The following FOCAD variants were observed in gnomAD, a reference collection of about 807,000 sequenced individuals.
FOCAD encodes focadhesin.
A neutral mutation model predicts 225.6 loss-of-function variants in FOCAD; 198 were observed. That is an observed-to-expected ratio of 0.88 (90% confidence interval 0.78 to 0.99). FOCAD has a LOEUF of 0.99. FOCAD is among the 50% of genes least tolerant of loss of function. The pLI is 0.00. For missense variants in FOCAD, 2,713 were observed against 2,123.6 expected, an observed-to-expected ratio of 1.28 and a Z score of -5.46; for synonymous variants, 897 against 755.0, an observed-to-expected ratio of 1.19 and a Z score of -3.08.
intron 16 of FOCAD, among the ~76,000 whole-genome samples, chr9:20,863,771 T>G (rs1244989915): frequency 6.6e-6 from 1 of 152,132 alleles, no homozygotes; most frequent in Non-Finnish European, 1.5e-5. Context: ...AAAGCCAATG[T>G]AAGGCCATAT....
At chr9:20,874,600 G>T (rs534726368) in intron 18 of FOCAD, 81 bp from the exon 19 acceptor site, 8 of 1,481,070 alleles carry the variant, frequency 5.4e-6, no homozygotes, top group East Asian at 4.6e-5. Flanking sequence ...TTAAAATCTT[G>T]TCACAAAAAA....
At chr9:20,729,097 A>C (rs1826451638) in intron 4 of FOCAD, among the ~76,000 whole-genome samples, 1 of 152,202 alleles carries the variant, frequency 6.6e-6, no homozygotes, top group Non-Finnish European at 1.5e-5. Flanking sequence ...AGCTCTGCCA[A>C]GTGTTAGTTT....
intron 35 of FOCAD, among the ~76,000 whole-genome samples, chr9:20,958,208 AAATT>A (rs1838377400): frequency 6.6e-6 from 1 of 152,194 alleles, no homozygotes. Flanking sequence ...TATAAAGAAT[AAATT>A]CCTTCTTTTA....
rs369079139 is a variant in FOCAD at position 20,957,495 on chromosome 9, G to C, written c.4132+4430G>C. On this transcript the variant is annotated intron_variant, in intron 35 of 43. Transcript: ENST00000338382. ...TTTCTTTTCTTTTTTTTTTTTTTTT[G>C]AGACAGTCTTGCTCTGACGCCCAGG... 4.2e-4 allele frequency: 3 copies of C among 7,218 alleles called. No homozygotes were observed. The East Asian group carries it at 0.021, about 52-fold the overall frequency. The allele number at this position is 7,218 out of a possible 1,614,324, so 0.4% of individuals were successfully genotyped here.
At chr9:20,857,784 A>ATT (rs1828342599) in intron 15 of FOCAD, among the ~76,000 whole-genome samples, 2 of 43,976 alleles carry the variant, frequency 4.5e-5, no homozygotes, top group Non-Finnish European at 5.2e-5. Context: ...TTTTTTTTTG[A>ATT]GTTTTTTTTT....
chr9:20,742,167 G>C (rs547818943), intron 5 of FOCAD, among the ~76,000 whole-genome samples: 4 of 152,196 alleles, frequency 2.6e-5, no homozygotes, highest in Non-Finnish European at 5.9e-5. Flanking sequence ...TCCCAACATT[G>C]GTGCCCATTA....
At chr9:20,946,388 T>A (rs1395118003) in intron 29 of FOCAD, among the ~76,000 whole-genome samples, 1 of 152,202 alleles carries the variant, frequency 6.6e-6, no homozygotes, top group Non-Finnish European at 1.5e-5. Context: ...TGCTCTGGCA[T>A]AATGTGGTGA....
At chr9:20,670,424 G>A (rs765554288) in intron 2 of FOCAD, among the ~76,000 whole-genome samples, 2 of 152,198 alleles carry the variant, frequency 1.3e-5, no homozygotes, top group Non-Finnish European at 2.9e-5. Flanking sequence ...AGTTCTGCAT[G>A]GCTGGGGAGG....
chr9:20,960,285 C>T (rs909937088), intron 35 of FOCAD, among the ~76,000 whole-genome samples: 16 of 152,290 alleles, frequency 1.1e-4, no homozygotes, highest in Middle Eastern at 3.4e-3. Flanking sequence ...GTATGACAGA[C>T]GTGGAGCTGT....
At chr9:20,656,903 C>T (rs1304152162), upstream of FOCAD, among the ~76,000 whole-genome samples, 1 of 151,894 alleles carries the variant, frequency 6.6e-6, no homozygotes, top group Non-Finnish European at 1.5e-5. Context: ...CATGATTTTG[C>T]AGCGGCTGGT....
intron 4 of FOCAD, among the ~76,000 whole-genome samples, chr9:20,726,734 T>C (rs992910076): frequency 6.6e-6 from 1 of 152,186 alleles, no homozygotes; most frequent in East Asian, 1.9e-4. Flanking sequence ...GGATGATTTA[T>C]GGAGAAAATT....
intron 18 of FOCAD, among the ~76,000 whole-genome samples, chr9:20,870,849 G>C (rs1355952361): frequency 1.3e-5 from 2 of 152,096 alleles, no homozygotes; most frequent in Non-Finnish European, 2.9e-5. Flanking sequence ...TGGGTTTATT[G>C]GGACATAACC....
chr9:20,938,034 C>T (rs1325131712), intron 28 of FOCAD, among the ~76,000 whole-genome samples: 1 of 151,896 alleles, frequency 6.6e-6, no homozygotes, highest in Non-Finnish European at 1.5e-5. Flanking sequence ...AATGAGATAC[C>T]ATCTCACACC....
chr9:20,830,942 T>C (rs749184891), intron 15 of FOCAD, among the ~76,000 whole-genome samples: 1 of 152,090 alleles, frequency 6.6e-6, no homozygotes, highest in South Asian at 2.1e-4. Context: ...CCTCCCAAAG[T>C]ACTGAGATTA....
intron 2 of FOCAD, among the ~76,000 whole-genome samples, chr9:20,660,987 G>A (rs1258152102): frequency 1.3e-5 from 2 of 152,188 alleles, no homozygotes; most frequent in Admixed American, 6.5e-5. Flanking sequence ...TAGACCACGG[G>A]AAAGGAGTCA....
chr9:20,879,811 T>C (rs1025765328), intron 19 of FOCAD, among the ~76,000 whole-genome samples: 14 of 152,200 alleles, frequency 9.2e-5, no homozygotes, highest in African/African-American at 3.4e-4. Context: ...ATCCCTGGGC[T>C]GGTGTTAGGT....
At position 20,820,347 on chromosome 9, in the gene FOCAD, A is replaced by T. The variant is rs147147351; in HGVS notation, c.1584A>T (p.Arg528=). 86 of 1,612,522 alleles carry T rather than the reference A, an allele frequency of 5.3e-5. No homozygotes were observed. The African/African-American group carries it at 1.0e-3, about 19-fold the overall frequency. The change falls in exon 13 of 44, where the codon CGA becomes CGT. Residue 528 remains arginine, a synonymous_variant. Transcript: ENST00000338382. ...VHKVCIGQIL[R]IIQLLGTTPR... is the part of the protein sequence containing the mutation. The stretch of plus-strand genomic sequence containing the variant: ...AGGTGTGTATAGGACAAATTCTACG[A>T]ATAATACAACTACTTGGAACCACAC...
intron 41 of FOCAD, 69 bp downstream of exon 41, chr9:20,988,498 A>G: frequency 1.6e-6 from 1 of 627,024 alleles, no homozygotes. Flanking sequence ...GTGCAAAAGT[A>G]ATTGCGGTTT....
chr9:20,943,821 T>A (rs1836909369), intron 28 of FOCAD, among the ~76,000 whole-genome samples: 1 of 152,204 alleles, frequency 6.6e-6, no homozygotes, highest in Non-Finnish European at 1.5e-5. Flanking sequence ...GACAAAAGCT[T>A]TTTTTCTTTA....
Sources: gnomAD v4.1 joint callset for allele counts (sites outside exome capture counted in the v4.1 genomes callset) on GRCh38, gnomAD v4.1.1 for gene constraint, MANE v1.5 for transcripts, NCBI Gene and HGNC (gene_info 2026-07-23, HGNC 2026-07-21) for gene names.